KAT6B: variants seen among roughly 807,000 people sequenced by gnomAD.
KAT6B encodes lysine acetyltransferase 6B.
Under a neutral mutation model 187.5 loss-of-function variants are expected in KAT6B, and 10 were observed. That is an observed-to-expected ratio of 0.05 (90% confidence interval 0.03 to 0.09). The LOEUF (loss-of-function observed/expected upper bound fraction) is 0.09, where lower values mean the gene tolerates loss of function less well. KAT6B is among the 10% of genes least tolerant of loss of function. KAT6B has a pLI of 1.00. For missense variants in KAT6B, 1,952 were observed against 2,558.9 expected (o/e 0.76, Z 5.12); for synonymous variants, 861 against 926.8 (o/e 0.93, Z 1.29).
chr10:74,931,745 C>T (rs1203477370), intron 3 of KAT6B, among the ~76,000 whole-genome samples: 1 of 152,194 alleles, frequency 6.6e-6, no homozygotes, highest in Non-Finnish European at 1.5e-5. Context: ...TTGCGGGATT[C>T]TGTTGCTCAG....
At chr10:75,002,397 A>T (rs1843904514) in intron 13 of KAT6B, among the ~76,000 whole-genome samples, 1 of 151,996 alleles carries the variant, frequency 6.6e-6, no homozygotes, top group Non-Finnish European at 1.5e-5. Flanking sequence ...AAACAACAAC[A>T]AACTAGGCTA....
At chr10:74,850,074 G>A (rs542995457) in intron 3 of KAT6B, among the ~76,000 whole-genome samples, 124 of 152,128 alleles carry the variant, frequency 8.2e-4, no homozygotes, top group African/African-American at 2.6e-3. Context: ...GAGTAGCTGG[G>A]ACTACAGGCG....
At chr10:74,837,792 T>C (rs1436603807) in intron 1 of KAT6B, among the ~76,000 whole-genome samples, 1 of 152,096 alleles carries the variant, frequency 6.6e-6, no homozygotes, top group Admixed American at 6.6e-5. Context: ...ATGTGTTTAG[T>C]TGAGAATTGG....
chr10:74,832,614 G>C (rs1840941771), intron 1 of KAT6B, among the ~76,000 whole-genome samples: 1 of 151,944 alleles, frequency 6.6e-6, no homozygotes, highest in Non-Finnish European at 1.5e-5. Context: ...CAATTTTCCT[G>C]CCTCAGCCTC....
intron 2 of KAT6B, among the ~76,000 whole-genome samples, chr10:74,842,050 G>T (rs1333512777): frequency 6.6e-6 from 1 of 152,206 alleles, no homozygotes; most frequent in Non-Finnish European, 1.5e-5. Context: ...TTTCCAATTT[G>T]TGGGTTAGAG....
chr10:74,952,213 G>C (rs1227124831), intron 3 of KAT6B, among the ~76,000 whole-genome samples: 1 of 152,072 alleles, frequency 6.6e-6, no homozygotes, highest in Non-Finnish European at 1.5e-5. Context: ...AAATTAGCTG[G>C]GCGTGGTAGT....
At chr10:75,024,668 T>C (rs1367085544) in intron 16 of KAT6B, among the ~76,000 whole-genome samples, 1 of 152,222 alleles carries the variant, frequency 6.6e-6, no homozygotes, top group African/African-American at 2.4e-5. Context: ...GAAAAATATA[T>C]GCTAGAAAAG....
In KAT6B at chr10:75,029,221, C is replaced by G. The variant is rs368744240; in HGVS notation, c.4397C>G (p.Pro1466Arg). Residue 1466 changes from proline (P) to arginine (R), a missense_variant, in exon 18 of 18, where the codon CCT (proline) becomes CGT (arginine). Physicochemically the swap from Pro to Arg is moderately radical, Grantham distance 103. Coordinates refer to ENST00000287239, the MANE Select transcript of KAT6B (RefSeq NM_012330.4). This position sits in a 1 kb window ranked among gnomAD's most constrained non-coding sequence, Gnocchi z 6.2. ...ACTTTTTTAGACCTTAATGTGCAGCCTGGTCACTCGAACCCAGAGGTCTTA... is the reference window on the plus strand; with the variant it reads ...ACTTTTTTAGACCTTAATGTGCAGCGTGGTCACTCGAACCCAGAGGTCTTA... ...QETFLDLNVQ[P>R]GHSNPEVLMD... The G allele has an allele frequency of 9.9e-6, 16 of 1,614,006 alleles. No homozygotes were observed. The highest frequency in any genetic ancestry group is 2.2e-5 in the East Asian group (1 of 44,886).
chr10:75,014,754 A>G (rs1020129191), intron 13 of KAT6B, among the ~76,000 whole-genome samples: 4 of 152,214 alleles, frequency 2.6e-5, no homozygotes, highest in African/African-American at 9.6e-5. Flanking sequence ...TGTCTGCACA[A>G]TGGAAGTTGA....
chr10:74,901,503 G>A (rs1415963507), intron 3 of KAT6B, among the ~76,000 whole-genome samples: 2 of 152,212 alleles, frequency 1.3e-5, no homozygotes, highest in Non-Finnish European at 2.9e-5. Context: ...AAAAACAGAT[G>A]TGAAAGATTC....
At chr10:74,968,223 A>G (rs369903128) in intron 4 of KAT6B, among the ~76,000 whole-genome samples, 65 of 152,232 alleles carry the variant, frequency 4.3e-4, no homozygotes, top group African/African-American at 1.4e-3. Flanking sequence ...TACCATTTTT[A>G]TCTATTCAGA....
chr10:75,005,841 T>C (rs1178897988), intron 13 of KAT6B, among the ~76,000 whole-genome samples: 3 of 152,198 alleles, frequency 2.0e-5, no homozygotes, highest in Admixed American at 6.5e-5. Flanking sequence ...ACGCTTTTTT[T>C]CAGCAAAATT....
At chr10:74,967,221 T>G (rs1841539384) in intron 4 of KAT6B, among the ~76,000 whole-genome samples, 1 of 150,642 alleles carries the variant, frequency 6.6e-6, no homozygotes, top group South Asian at 2.1e-4. Flanking sequence ...TCCCAGCTAC[T>G]AAGGAGGCTG....
At position 75,029,592 on chromosome 10, in the gene KAT6B, G is replaced by T. The variant is rs1366114304; in HGVS notation, c.4768G>T (p.Asp1590Tyr). ...QSPQIATTLD[D>Y]CQQSDHSSPV... is the part of the protein sequence containing the mutation. Reference sequence around the variant, plus strand: ...TCCACAGATTGCCACCACGCTCGACGATTGCCAACAGTCGGACCACAGTAG... The same window carrying T: ...TCCACAGATTGCCACCACGCTCGACTATTGCCAACAGTCGGACCACAGTAG... The change falls in exon 18 of 18, where the codon GAT becomes TAT. Residue 1590 changes from aspartate (D) to tyrosine (Y), a missense_variant. Physicochemically the swap from Asp to Tyr is radical, Grantham distance 160. Coordinates refer to ENST00000287239, the MANE Select transcript of KAT6B (RefSeq NM_012330.4). This position sits in a 1 kb window ranked among gnomAD's most constrained non-coding sequence, Gnocchi z 6.2. 6.2e-7 allele frequency: 1 copy of T among 1,614,086 alleles called. No individual in the cohort carries two copies. The highest frequency in any genetic ancestry group is 8.5e-7 in the Non-Finnish European group (1 of 1,180,028).
intron 3 of KAT6B, among the ~76,000 whole-genome samples, chr10:74,890,294 A>C (rs1179429117): frequency 6.6e-6 from 1 of 151,976 alleles, no homozygotes; most frequent in Non-Finnish European, 1.5e-5. Context: ...TGGACATGTA[A>C]TTTTTAAGGA....
In KAT6B at chr10:74,905,063, T is replaced by C. The variant is rs112700323; in HGVS notation, c.622-54907T>C. Among the ~76,000 whole-genome samples the C allele has an allele frequency of 1.2e-4, 19 of 152,352 alleles. 2 individuals are homozygous for C. The highest frequency in any genetic ancestry group is 3.4e-4 in the African/African-American group (14 of 41,576). ...AGTGAAGAAGGGTTTTTATTTCTTA[T>C]TTATATCCTGCCTTCTCTCAATATG... On this transcript the variant is annotated intron_variant, in intron 3 of 17. Transcript: ENST00000287239.
intron 3 of KAT6B, among the ~76,000 whole-genome samples, chr10:74,909,889 T>TTTG (rs930196479): frequency 1.4e-4 from 21 of 152,282 alleles, no homozygotes; most frequent in Admixed American, 1.4e-3. Context: ...CAGTCATGTA[T>TTTG]GTCAAGGGAG....
intron 3 of KAT6B, among the ~76,000 whole-genome samples, chr10:74,867,646 T>C (rs1843646808): frequency 6.6e-6 from 1 of 152,200 alleles, no homozygotes; most frequent in African/African-American, 2.4e-5. Flanking sequence ...TTAGAGGCAT[T>C]TGGCTCTGCC....
chr10:74,851,193 C>A (rs537515300), intron 3 of KAT6B, among the ~76,000 whole-genome samples: 4 of 151,970 alleles, frequency 2.6e-5, no homozygotes, highest in African/African-American at 9.7e-5. Flanking sequence ...CTGCAGCTGC[C>A]GCCTCTCGGG....
Sources: allele counts gnomAD v4.1 joint callset (sites outside exome capture counted in the v4.1 genomes callset), GRCh38; gene constraint gnomAD v4.1.1; non-coding constraint Gnocchi (gnomAD v3.1); transcripts MANE v1.5; gene names NCBI Gene and HGNC (gene_info 2026-07-23, HGNC 2026-07-21).